DMD: variants seen among roughly 807,000 people sequenced by gnomAD.
DMD encodes the protein mutant dystrophin.
Under a neutral mutation model 330.1 loss-of-function variants are expected in DMD, and 63 were observed. That is an observed-to-expected ratio of 0.19 (90% confidence interval 0.16 to 0.24). The LOEUF (loss-of-function observed/expected upper bound fraction) is 0.24, where lower values mean the gene tolerates loss of function less well. Among genes scored for constraint, DMD ranks in the 10% least tolerant of loss-of-function variants. The pLI is 1.00. For synonymous variants in DMD, 1,223 were observed against 959.8 expected (o/e 1.27, Z -5.07); for missense variants, 3,344 against 2,684.1 (o/e 1.25, Z -5.43).
chrX:32,683,251 T>C (rs1262800961), intron 9 of DMD, among the ~76,000 whole-genome samples: 4 of 110,808 alleles, frequency 3.6e-5, no homozygotes, highest in Non-Finnish European at 7.6e-5. Flanking sequence ...CTCAGGGATC[T>C]AGAACTAGAA....
At chrX:32,286,339 T>A (rs1406301099) in intron 43 of DMD, among the ~76,000 whole-genome samples, 2 of 111,933 alleles carry the variant, frequency 1.8e-5, no homozygotes, top group Non-Finnish European at 3.8e-5. Flanking sequence ...TATCCAAGTT[T>A]CCAGATGTTA....
At chrX:33,096,345 A>C (rs1460695556) in intron 1 of DMD, among the ~76,000 whole-genome samples, 1 of 111,542 alleles carries the variant, frequency 9.0e-6, no homozygotes, top group African/African-American at 3.3e-5. Context: ...GCATATTTTA[A>C]TCTTTACTCT....
intron 78 of DMD, among the ~76,000 whole-genome samples, chrX:31,122,558 AAATAAT>A (rs910883024): frequency 5.4e-4 from 60 of 111,419 alleles, no homozygotes; most frequent in African/African-American, 1.9e-3. Flanking sequence ...TTGGGTTGAA[AAATAAT>A]AATAATAAAC....
At chrX:31,247,798 T>C (rs899974185) in intron 63 of DMD, among the ~76,000 whole-genome samples, 3 of 110,925 alleles carry the variant, frequency 2.7e-5, no homozygotes, top group African/African-American at 9.9e-5. Flanking sequence ...AGGAAGAAAA[T>C]TGAAATCACA....
At chrX:31,507,754 C>T (rs1265976662) in intron 55 of DMD, among the ~76,000 whole-genome samples, 2 of 111,645 alleles carry the variant, frequency 1.8e-5, no homozygotes, top group Non-Finnish European at 3.8e-5. Flanking sequence ...ATCTTCTAGT[C>T]TATGGACAAA....
intron 49 of DMD, among the ~76,000 whole-genome samples, chrX:31,820,817 A>G (rs1015614450): frequency 1.8e-5 from 2 of 111,953 alleles, no homozygotes; most frequent in African/African-American, 6.5e-5. Context: ...TGGTAGATGT[A>G]TATCAACTGG....
intron 43 of DMD, among the ~76,000 whole-genome samples, chrX:32,258,807 T>G (rs1276986044): frequency 1.8e-5 from 2 of 111,125 alleles, no homozygotes; most frequent in Non-Finnish European, 3.8e-5. Flanking sequence ...GAACTTAAAG[T>G]ATAATAATGA....
At position 31,833,273 on chromosome X, in the gene DMD, G is replaced by GGAGAGAGAGAGAGAGA. The variant is rs1248049970; in HGVS notation, c.7200+3429_7200+3444dup. Among the ~76,000 whole-genome samples, 332 of 49,787 alleles carry GGAGAGAGAGAGAGAGA rather than the reference G, an allele frequency of 6.7e-3. 6 individuals are homozygous for GGAGAGAGAGAGAGAGA. Among genetic ancestry groups the GGAGAGAGAGAGAGAGA allele is most frequent in the Non-Finnish European group, 9.4e-3 (292 of 31,108 alleles). 43.2% of individuals were successfully genotyped at this position (49,787 alleles called of 115,157 possible). On this transcript the variant is annotated intron_variant, in intron 49 of 78. Transcript: ENST00000357033. ...ATGTGTGTAGATGGGGGAGGAAGGG[G>GGAGAGAGAGAGAGAGA]GAGAGAGAGAGAGAGAGAGGGAGAG... is the stretch of plus-strand genomic sequence containing the variant.
chrX:32,408,597 A>T (rs911593492), intron 30 of DMD, among the ~76,000 whole-genome samples: 2 of 111,595 alleles, frequency 1.8e-5, no homozygotes, highest in South Asian at 7.5e-4. Context: ...GGAGTCAGAC[A>T]CCCACAAATC....
chrX:32,446,921 T>C (rs1194969548), intron 27 of DMD, among the ~76,000 whole-genome samples: 2 of 110,719 alleles, frequency 1.8e-5, no homozygotes, highest in Non-Finnish European at 3.8e-5. Flanking sequence ...AATGTTATTA[T>C]ACATGAGAAG....
intron 44 of DMD, among the ~76,000 whole-genome samples, chrX:31,976,633 T>C (rs1225619161): frequency 9.0e-6 from 1 of 111,065 alleles, no homozygotes; most frequent in Non-Finnish European, 1.9e-5. Flanking sequence ...AAATAGAATA[T>C]CGTTTTGATG....
At chrX:33,282,678 G>T (rs1299051784) in intron 1 of DMD, among the ~76,000 whole-genome samples, 1 of 111,951 alleles carries the variant, frequency 8.9e-6, no homozygotes, top group Non-Finnish European at 1.9e-5. Context: ...GAAAGGAGAG[G>T]CACTTACCCT....
intron 17 of DMD, among the ~76,000 whole-genome samples, chrX:32,522,499 C>A (rs2046537529): frequency 8.9e-6 from 1 of 112,028 alleles, no homozygotes. Context: ...TAGATACATT[C>A]AAATTATTCT....
intron 7 of DMD, among the ~76,000 whole-genome samples, chrX:32,783,831 A>G (rs1045548583): frequency 9.0e-6 from 1 of 111,208 alleles, no homozygotes; most frequent in African/African-American, 3.3e-5. Flanking sequence ...GCACAGTCGT[A>G]TTCTTAAAGT....
chrX:31,239,903 G>T (rs902540442), intron 63 of DMD, among the ~76,000 whole-genome samples: 9 of 111,765 alleles, frequency 8.1e-5, no homozygotes, highest in Non-Finnish European at 1.3e-4. Flanking sequence ...GAATGAAGAA[G>T]CCAGGTCTCA....
At chrX:32,328,861 T>G (rs2097665167) in intron 41 of DMD, among the ~76,000 whole-genome samples, 1 of 111,797 alleles carries the variant, frequency 8.9e-6, no homozygotes, top group Non-Finnish European at 1.9e-5. Flanking sequence ...TAAAAAACTT[T>G]GCTTTATGAA....
At chrX:31,890,587 C>G (rs2094233282) in intron 47 of DMD, among the ~76,000 whole-genome samples, 1 of 107,418 alleles carries the variant, frequency 9.3e-6, no homozygotes, top group African/African-American at 3.3e-5. Context: ...ACAAGCCGTA[C>G]TACACTATTT....
chrX:32,028,432 AG>A (rs2095861783), intron 44 of DMD, among the ~76,000 whole-genome samples: 1 of 111,353 alleles, frequency 9.0e-6, no homozygotes, highest in African/African-American at 3.3e-5. Context: ...TAATATGAAA[AG>A]TCCAGGAAAA....
intron 7 of DMD, among the ~76,000 whole-genome samples, chrX:32,723,450 G>T (rs1013494435): frequency 4.5e-5 from 5 of 111,361 alleles, no homozygotes; most frequent in Non-Finnish European, 7.6e-5. Flanking sequence ...GGCTTTGGAG[G>T]TATTTCCTCT....
Sources: gnomAD v4.1 joint callset for allele counts (sites outside exome capture counted in the v4.1 genomes callset) on GRCh38, gnomAD v4.1.1 for gene constraint, MANE v1.5 for transcripts, NCBI Gene and HGNC (gene_info 2026-07-23, HGNC 2026-07-21) for gene names.